Variants in LARGE1 observed in about 807,000 individuals in gnomAD.
LARGE1 encodes LARGE xylosyl- and glucuronyltransferase 1.
A neutral mutation model predicts 87.6 loss-of-function variants in LARGE1; 43 were observed. That is an observed-to-expected ratio of 0.49 (90% CI 0.38 to 0.63). The LOEUF (loss-of-function observed/expected upper bound fraction) is 0.63. Among genes scored for constraint, LARGE1 ranks in the 30% least tolerant of loss-of-function variants. The pLI is 0.00. For missense variants in LARGE1, 802 were observed against 1,000.2 expected, an observed-to-expected ratio of 0.80 and a Z score of 2.67; for synonymous variants, 434 against 394.6, an observed-to-expected ratio of 1.10 and a Z score of -1.18.
intron 1 of LARGE1, among the ~76,000 whole-genome samples, chr22:33,828,355 CAGAA>C (rs1336518216): frequency 3.3e-5 from 5 of 152,182 alleles, no homozygotes; most frequent in Admixed American, 2.6e-4. Flanking sequence ...GGAAGGCAGA[CAGAA>C]AGGCTTCTAA....
At chr22:33,585,595 T>C (rs909297246) in intron 5 of LARGE1, among the ~76,000 whole-genome samples, 3 of 152,112 alleles carry the variant, frequency 2.0e-5, no homozygotes, top group Non-Finnish European at 4.4e-5. Context: ...TTCTCACCCC[T>C]CCACCATGAG....
In LARGE1 at chr22:33,616,439, G is replaced by A. The variant is rs547450187; in HGVS notation, c.491+9805C>T. 5.9e-5 allele frequency among the ~76,000 whole-genome samples: 9 copies of A among 152,252 alleles called. No individual in the cohort carries two copies. The South Asian group carries it at 1.9e-3, about 32-fold the overall frequency. On this transcript the variant is annotated intron_variant, in intron 4 of 14. Coordinates refer to ENST00000397394, the MANE Select transcript of LARGE1 (RefSeq NM_133642.5). ...TCCAGCTACTTGGGAGGCTGAGGCA[G>A]GAGGATTGCTTGAACCCAAGAGGTG...
At chr22:33,528,550 G>T (rs534113054) in intron 6 of LARGE1, among the ~76,000 whole-genome samples, 1 of 152,098 alleles carries the variant, frequency 6.6e-6, no homozygotes, top group Non-Finnish European at 1.5e-5. Context: ...GTGAAGCAAA[G>T]GACACAAAAA....
intron 6 of LARGE1, among the ~76,000 whole-genome samples, chr22:33,471,806 G>C (rs574688277): frequency 2.0e-5 from 3 of 152,130 alleles, no homozygotes; most frequent in Non-Finnish European, 4.4e-5. Flanking sequence ...AGGCCGAGGC[G>C]GGCGCATCAT....
intron 3 of LARGE1, among the ~76,000 whole-genome samples, chr22:33,649,319 T>G (rs1754093960): frequency 6.6e-6 from 1 of 152,190 alleles, no homozygotes; most frequent in East Asian, 1.9e-4. Context: ...AATAATCCCA[T>G]TCACTAGAAT....
At chr22:33,870,576 G>A (rs1426286952) in intron 1 of LARGE1, among the ~76,000 whole-genome samples, 1 of 151,836 alleles carries the variant, frequency 6.6e-6, no homozygotes, top group African/African-American at 2.4e-5. Context: ...TGTTGTTGTT[G>A]TTGTTGTTGT....
chr22:33,484,400 C>A (rs1161961015), intron 6 of LARGE1, among the ~76,000 whole-genome samples: 1 of 152,172 alleles, frequency 6.6e-6, no homozygotes, highest in Non-Finnish European at 1.5e-5. Flanking sequence ...TACTGTGAAT[C>A]ATACTTGGAA....
chr22:33,439,473 T>G (rs1467335864), intron 6 of LARGE1, among the ~76,000 whole-genome samples: 3 of 152,132 alleles, frequency 2.0e-5, no homozygotes, highest in Non-Finnish European at 4.4e-5. Context: ...CCTTCGCTGA[T>G]GTACTCCCTC....
rs1376374452 is a variant in LARGE1, at chr22:33,413,682, G to C, written c.892+18479C>G. On this transcript the variant is annotated intron_variant, in intron 7 of 14. Coordinates refer to ENST00000397394, the MANE Select transcript of LARGE1 (RefSeq NM_133642.5). Reference sequence around the variant, plus strand: ...GGGTTTCACCATGCTGGCCAGGCTGGTCTTGAACTCCTGACCTTGTGATCT... The same window carrying C: ...GGGTTTCACCATGCTGGCCAGGCTGCTCTTGAACTCCTGACCTTGTGATCT... Among the ~76,000 whole-genome samples, 4 of 151,906 alleles carry C rather than the reference G, an allele frequency of 2.6e-5. No individual in the cohort carries two copies. The East Asian group carries it at 7.7e-4, about 29-fold the overall frequency.
At chr22:33,210,729 G>A (rs1207572042) in intron 11 of LARGE1, among the ~76,000 whole-genome samples, 1 of 152,216 alleles carries the variant, frequency 6.6e-6, no homozygotes, top group African/African-American at 2.4e-5. Context: ...GGCTCACCTG[G>A]CCTGGTTCCT....
chr22:33,578,411 G>C (rs536419180), intron 5 of LARGE1, among the ~76,000 whole-genome samples: 2 of 152,238 alleles, frequency 1.3e-5, no homozygotes, highest in South Asian at 4.1e-4. Flanking sequence ...CACTCATTGT[G>C]TGTGCCAAAT....
At chr22:33,632,066 C>T (rs947682729) in intron 3 of LARGE1, among the ~76,000 whole-genome samples, 6 of 152,186 alleles carry the variant, frequency 3.9e-5, no homozygotes, top group Non-Finnish European at 7.3e-5. Context: ...TTCTCGTTTG[C>T]CCCTCCAACT....
At chr22:33,466,301 C>A (rs544299126) in intron 6 of LARGE1, among the ~76,000 whole-genome samples, 1 of 152,060 alleles carries the variant, frequency 6.6e-6, no homozygotes, top group Non-Finnish European at 1.5e-5. Flanking sequence ...CCCTGCCTTA[C>A]TCTTGTTCTC....
At chr22:33,516,749 C>T (rs2071325051) in intron 6 of LARGE1, among the ~76,000 whole-genome samples, 1 of 152,102 alleles carries the variant, frequency 6.6e-6, no homozygotes, top group Non-Finnish European at 1.5e-5. Flanking sequence ...GCCACCACGC[C>T]TGGCTAATTT....
intron 6 of LARGE1, among the ~76,000 whole-genome samples, chr22:33,436,188 T>C (rs2067265631): frequency 6.6e-6 from 1 of 152,226 alleles, no homozygotes; most frequent in African/African-American, 2.4e-5. Context: ...AACCTATCTC[T>C]GCCTTGGTAT....
chr22:33,157,508 AC>A (rs1297009661), downstream of LARGE1, among the ~76,000 whole-genome samples: 3 of 152,134 alleles, frequency 2.0e-5, no homozygotes, highest in Non-Finnish European at 4.4e-5. Flanking sequence ...TACAGCTCTA[AC>A]TAAACTGCCT....
chr22:33,233,282 G>A (rs1381557946), intron 11 of LARGE1, among the ~76,000 whole-genome samples: 1 of 151,904 alleles, frequency 6.6e-6, no homozygotes, highest in African/African-American at 2.4e-5. Context: ...TGGTGTTAGT[G>A]ATGATGATGA....
At chr22:33,810,499 C>T (rs2086458150) in intron 1 of LARGE1, among the ~76,000 whole-genome samples, 1 of 152,220 alleles carries the variant, frequency 6.6e-6, no homozygotes, top group African/African-American at 2.4e-5. Context: ...GGTAGAACTT[C>T]TCTGCCCCAG....
At chr22:33,248,347 C>A (rs561061525) in intron 11 of LARGE1, among the ~76,000 whole-genome samples, 1 of 152,276 alleles carries the variant, frequency 6.6e-6, no homozygotes, top group East Asian at 1.9e-4. Flanking sequence ...GCCACCACAC[C>A]TAGCTAATTT....
Sources: allele counts gnomAD v4.1 joint callset (sites outside exome capture counted in the v4.1 genomes callset), GRCh38; gene constraint gnomAD v4.1.1; transcripts MANE v1.5; gene names NCBI Gene and HGNC (gene_info 2026-07-23, HGNC 2026-07-21).